The following LARGE1 variants were observed in gnomAD, a reference collection of about 807,000 sequenced individuals.
LARGE1 encodes the protein xylosyl- and glucuronyltransferase LARGE1.
Under a neutral mutation model 87.6 loss-of-function variants are expected in LARGE1, and 43 were observed. The observed-to-expected ratio is 0.49, with a 90% CI of 0.38 to 0.63. LARGE1 has a LOEUF of 0.63. Ranked by LOEUF, LARGE1 falls within the 30% of genes least tolerant of loss-of-function variation. LARGE1 has a pLI of 0.00. For missense variants in LARGE1, 802 were observed against 1,000.2 expected, an observed-to-expected ratio of 0.80 and a Z score of 2.67; for synonymous variants, 434 against 394.6, an observed-to-expected ratio of 1.10 and a Z score of -1.18.
intron 6 of LARGE1, among the ~76,000 whole-genome samples, chr22:33,473,875 C>G (rs1467702449): frequency 6.6e-6 from 1 of 152,226 alleles, no homozygotes; most frequent in Non-Finnish European, 1.5e-5. Context: ...TAATTCTGTT[C>G]TATGAGTATG....
intron 11 of LARGE1, among the ~76,000 whole-genome samples, chr22:33,186,795 C>T (rs137395): frequency 1 from 151,624 of 152,346 alleles, 75,454 homozygotes; most frequent in East Asian, 1. Flanking sequence ...CATGATATAA[C>T]ATCAAAATAC....
At chr22:33,502,528 T>A in intron 6 of LARGE1, among the ~76,000 whole-genome samples, 1 of 152,064 alleles carries the variant, frequency 6.6e-6, no homozygotes, top group East Asian at 1.9e-4. Context: ...AAATATAATG[T>A]TGTATAGGTG....
intron 2 of LARGE1, among the ~76,000 whole-genome samples, chr22:33,660,681 G>T (rs1473542178): frequency 6.6e-6 from 1 of 152,118 alleles, no homozygotes; most frequent in Non-Finnish European, 1.5e-5. Context: ...CCCTTTGTTG[G>T]TAGATTCATC....
intron 6 of LARGE1, among the ~76,000 whole-genome samples, chr22:33,498,219 G>T (rs115082500): frequency 2.0e-5 from 3 of 152,040 alleles, no homozygotes; most frequent in Non-Finnish European, 2.9e-5. Context: ...AAGCTGGGGG[G>T]TGGAAATGGA....
At position 33,731,225 on chromosome 22, in the gene LARGE1, G is replaced by A. The variant is rs563249754; in HGVS notation, c.106+30146C>T. On this transcript the variant is annotated intron_variant, in intron 2 of 14. Coordinates refer to ENST00000397394, the MANE Select transcript of LARGE1 (RefSeq NM_133642.5). ...TCACCATGTTAGCCACGATGGTCTC[G>A]ATCTCCTGAACTTGTGATCCGCCCA... Among the ~76,000 whole-genome samples, 15 of 151,390 alleles carry A rather than the reference G, an allele frequency of 9.9e-5. No individual in the cohort carries two copies. In the South Asian group the frequency reaches 1.3e-3, roughly 13 times the overall value.
intron 1 of LARGE1, among the ~76,000 whole-genome samples, chr22:33,902,565 C>T (rs1212097787): frequency 2.0e-5 from 3 of 152,204 alleles, no homozygotes; most frequent in Non-Finnish European, 4.4e-5. Flanking sequence ...TGTCTTCTCT[C>T]TACTCCTATT....
At chr22:33,604,778 G>C (rs529286571) in intron 4 of LARGE1, among the ~76,000 whole-genome samples, 2 of 152,272 alleles carry the variant, frequency 1.3e-5, no homozygotes, top group East Asian at 1.9e-4. Context: ...TCAGAGAAGT[G>C]ACAACCAACC....
At chr22:33,748,939 T>C (rs1337232430) in intron 2 of LARGE1, among the ~76,000 whole-genome samples, 1 of 152,184 alleles carries the variant, frequency 6.6e-6, no homozygotes, top group African/African-American at 2.4e-5. Context: ...TCCTCAGTTG[T>C]AAAACAAGGG....
rs768746358 is a variant in LARGE1, at chr22:33,363,329, C to T, written c.1131+18590G>A. On this transcript the variant is annotated intron_variant, in intron 9 of 14. Transcript: ENST00000397394. Reference sequence around the variant, plus strand: ...AGGTTTAATGGAGAACTCACAGTTCCGTGTGGCTGGGGAGGCCTCACAATC... The same window carrying T: ...AGGTTTAATGGAGAACTCACAGTTCTGTGTGGCTGGGGAGGCCTCACAATC... Among the ~76,000 whole-genome samples, 72 of 149,940 alleles carry T rather than the reference C, an allele frequency of 4.8e-4. 8 individuals are homozygous for T. Among genetic ancestry groups the T allele is most frequent in the Non-Finnish European group, 8.6e-4 (58 of 67,214 alleles).
chr22:33,631,858 G>A (rs146147838), intron 3 of LARGE1, among the ~76,000 whole-genome samples: 701 of 152,310 alleles, frequency 4.6e-3, no homozygotes, highest in Middle Eastern at 0.014. Flanking sequence ...AAACACATGA[G>A]CGATGTGTTG....
chr22:33,232,184 C>G (rs561246491), intron 11 of LARGE1, among the ~76,000 whole-genome samples: 2 of 152,344 alleles, frequency 1.3e-5, no homozygotes, highest in Admixed American at 1.3e-4. Flanking sequence ...CAAAGTCTTA[C>G]AGCTGTTTCT....
intron 11 of LARGE1, among the ~76,000 whole-genome samples, chr22:33,248,800 T>C (rs546282536): frequency 1.3e-5 from 2 of 152,212 alleles, no homozygotes; most frequent in African/African-American, 2.4e-5. Context: ...GTTGGAATCA[T>C]ACAGTGCACA....
At chr22:33,393,255 T>A (rs542258147) in intron 7 of LARGE1, among the ~76,000 whole-genome samples, 1 of 152,334 alleles carries the variant, frequency 6.6e-6, no homozygotes, top group Admixed American at 6.5e-5. Context: ...GAAACAGAAC[T>A]CTGTTTATTG....
chr22:33,772,410 C>T (rs2145824686), intron 1 of LARGE1, among the ~76,000 whole-genome samples: 1 of 152,270 alleles, frequency 6.6e-6, no homozygotes, highest in East Asian at 1.9e-4. Context: ...AAGCACCTGA[C>T]TTGACCTCGA....
chr22:33,076,172 G>C, the LARGE1 span, among the ~76,000 whole-genome samples: 1 of 152,180 alleles, frequency 6.6e-6, no homozygotes, highest in Non-Finnish European at 1.5e-5. Flanking sequence ...AAGTTATACT[G>C]TTAGGAAATA....
chr22:33,337,177 G>A (rs183609630), intron 10 of LARGE1, among the ~76,000 whole-genome samples: 9 of 152,214 alleles, frequency 5.9e-5, no homozygotes, highest in South Asian at 4.2e-4. Flanking sequence ...TAGCTATGGC[G>A]GTGACTTAGT....
intron 1 of LARGE1, among the ~76,000 whole-genome samples, chr22:33,793,660 C>T (rs539611851): frequency 8.5e-5 from 13 of 152,104 alleles, no homozygotes; most frequent in African/African-American, 2.7e-4. Flanking sequence ...TCCTACCTCC[C>T]GCAAGAACAC....
intron 7 of LARGE1, among the ~76,000 whole-genome samples, chr22:33,427,270 C>G (rs145393575): frequency 1.3e-5 from 2 of 152,144 alleles, no homozygotes; most frequent in South Asian, 4.1e-4. Context: ...TAATTTCACC[C>G]GAACAGTTAT....
chr22:33,632,560 AGTT>A (rs1245675257), intron 3 of LARGE1, among the ~76,000 whole-genome samples: 5 of 134 alleles, frequency 0.037, no homozygotes, highest in Non-Finnish European at 0.056. Flanking sequence ...CAATCACACA[AGTT>A]CCAGTCCTTG....
Sources: allele counts gnomAD v4.1 joint callset (sites outside exome capture counted in the v4.1 genomes callset), GRCh38; gene constraint gnomAD v4.1.1; transcripts MANE v1.5; gene names NCBI Gene and HGNC (gene_info 2026-07-23, HGNC 2026-07-21).